TANC2: variants seen among roughly 807,000 people sequenced by gnomAD.
TANC2 encodes tetratricopeptide repeat, ankyrin repeat and coiled-coil containing 2.
Under a neutral mutation model 210.5 loss-of-function variants are expected in TANC2, and 26 were observed. That is an observed-to-expected ratio of 0.12 (90% CI 0.09 to 0.17). The LOEUF is 0.17. Among genes scored for constraint, TANC2 ranks in the 10% least tolerant of loss-of-function variants. The probability of loss-of-function intolerance (pLI) is 1.00; values close to 1 mark genes in which losing one functional copy is unlikely to be tolerated. For synonymous variants in TANC2, 931 were observed against 967.1 expected (o/e 0.96, Z 0.69); for missense variants, 2,129 against 2,608.9 (o/e 0.82, Z 4.01).
chr17:63,174,203 G>T (rs2040500509), intron 5 of TANC2, among the ~76,000 whole-genome samples: 1 of 152,204 alleles, frequency 6.6e-6, no homozygotes, highest in Admixed American at 6.5e-5. Context: ...TGGCAGTAAA[G>T]CTATGCAGGG....
At chr17:63,404,724 A>C (rs1021899708) in intron 19 of TANC2, among the ~76,000 whole-genome samples, 3 of 151,790 alleles carry the variant, frequency 2.0e-5, no homozygotes, top group African/African-American at 7.3e-5. Flanking sequence ...AACAAAACAA[A>C]AAAAAAAACT....
intron 2 of TANC2, among the ~76,000 whole-genome samples, chr17:63,013,606 G>T (rs1429200688): frequency 1.3e-5 from 2 of 151,852 alleles, no homozygotes; most frequent in African/African-American, 4.8e-5. Context: ...TATTAAAAAT[G>T]CATAAATTAG....
At chr17:63,274,915 GATC>G (rs1351408547) in intron 9 of TANC2, among the ~76,000 whole-genome samples, 4 of 152,118 alleles carry the variant, frequency 2.6e-5, no homozygotes, top group Non-Finnish European at 4.4e-5. Context: ...CACTCTTTCT[GATC>G]ATCTTAATGA....
At chr17:63,416,856 C>T (rs551790400) in intron 26 of TANC2, among the ~76,000 whole-genome samples, 15 of 152,274 alleles carry the variant, frequency 9.9e-5, no homozygotes, top group Non-Finnish European at 1.9e-4. Context: ...GTGGCGGTCT[C>T]GGGAGACAGA....
At chr17:63,347,511 AATT>A (rs1598909214) in intron 12 of TANC2, among the ~76,000 whole-genome samples, 1 of 152,216 alleles carries the variant, frequency 6.6e-6, no homozygotes, top group African/African-American at 2.4e-5. Flanking sequence ...TTTAATATAG[AATT>A]ATTTTTTAAA....
At chr17:63,195,470 T>C (rs1042667371) in intron 6 of TANC2, among the ~76,000 whole-genome samples, 2 of 152,318 alleles carry the variant, frequency 1.3e-5, no homozygotes, top group East Asian at 3.9e-4. Context: ...GTACTCAATC[T>C]GATCCCTTCT....
At chr17:63,302,039 A>C (rs1417879791) in intron 9 of TANC2, among the ~76,000 whole-genome samples, 1 of 152,230 alleles carries the variant, frequency 6.6e-6, no homozygotes, top group Non-Finnish European at 1.5e-5. Context: ...TTATTTACCC[A>C]GGAGTCATTC....
chr17:63,163,617 C>T (rs2040104386), intron 5 of TANC2, among the ~76,000 whole-genome samples: 1 of 152,086 alleles, frequency 6.6e-6, no homozygotes, highest in Non-Finnish European at 1.5e-5. Flanking sequence ...TATTTTCCTT[C>T]TTTGAAAGGA....
chr17:63,215,668 C>G (rs958731011), intron 7 of TANC2, among the ~76,000 whole-genome samples: 1 of 152,126 alleles, frequency 6.6e-6, no homozygotes, highest in Non-Finnish European at 1.5e-5. Flanking sequence ...CTGGAAAAGG[C>G]ATGCCAGGAA....
chr17:63,319,440 G>A (rs1266267084), intron 11 of TANC2, among the ~76,000 whole-genome samples: 2 of 152,158 alleles, frequency 1.3e-5, no homozygotes, highest in Non-Finnish European at 2.9e-5. Context: ...CACTTCCCAG[G>A]TTCAAGTGAT....
chr17:63,399,041 G>A, intron 19 of TANC2, 127 bp downstream of exon 19: 1 of 583,162 alleles, frequency 1.7e-6, no homozygotes, highest in East Asian at 3.1e-5. Flanking sequence ...AATGCAGACT[G>A]ATTCAGCCAA....
chr17:63,128,226 TAACTA>T (rs1206156964), intron 4 of TANC2, among the ~76,000 whole-genome samples: 3 of 152,236 alleles, frequency 2.0e-5, no homozygotes, highest in African/African-American at 7.2e-5. Context: ...CATTTTAAAA[TAACTA>T]AAAGAACATA....
chr17:63,144,743 T>C lies in TANC2; in HGVS notation c.323-6527T>C, dbSNP rs1479613336. ...GATACTTTGCAGCTGTGTATTAATT[T>C]ATAATTGGTTTCAGAGAAGTATAGT... On this transcript the variant is annotated intron_variant, in intron 4 of 27. Coordinates refer to ENST00000689528, the Ensembl canonical transcript of TANC2. Among the ~76,000 whole-genome samples the C allele has an allele frequency of 2.6e-5, 4 of 152,278 alleles. No individual in the cohort carries two copies. In the East Asian group the frequency reaches 7.7e-4, roughly 29 times the overall value.
At chr17:63,356,100 G>A (rs926415169) in intron 14 of TANC2, among the ~76,000 whole-genome samples, 1 of 151,668 alleles carries the variant, frequency 6.6e-6, no homozygotes, top group African/African-American at 2.4e-5. Flanking sequence ...CACCCCACAC[G>A]CACAACAGGA....
chr17:62,996,466 A>G (rs1460074301), intron 1 of TANC2, among the ~76,000 whole-genome samples: 1 of 151,494 alleles, frequency 6.6e-6, no homozygotes, highest in Non-Finnish European at 1.5e-5. Flanking sequence ...CTCACAGTCG[A>G]TTTCTGTCCG....
rs187107769 is a variant in TANC2 at position 63,416,174 on chromosome 17, G to T, written c.4167+500G>T. Among the ~76,000 whole-genome samples, 871 of 152,240 alleles carry T rather than the reference G, an allele frequency of 5.7e-3. 2 individuals are homozygous for T. Among genetic ancestry groups the T allele is most frequent in the Non-Finnish European group, 7.8e-3 (530 of 68,016 alleles). On this transcript the variant is annotated intron_variant, in intron 26 of 27. Transcript: ENST00000689528. ...TCATCTTTGTATCCCAGCATGCTAT[G>T]TCCCTTCTTGTCCTAGGGGGAATCT...
chr17:63,369,137 A>G (rs1383748074), intron 14 of TANC2, among the ~76,000 whole-genome samples: 2 of 152,148 alleles, frequency 1.3e-5, no homozygotes, highest in South Asian at 2.1e-4. Flanking sequence ...GTCCTAAACA[A>G]TGATTATCTG....
intron 7 of TANC2, among the ~76,000 whole-genome samples, chr17:63,225,985 TG>T (rs1305058548): frequency 2.6e-5 from 4 of 152,258 alleles, no homozygotes; most frequent in Non-Finnish European, 5.9e-5. Context: ...GATATTTTCA[TG>T]TTACTTGTAG....
intron 2 of TANC2, among the ~76,000 whole-genome samples, chr17:63,069,777 C>T (rs1450850766): frequency 6.6e-6 from 1 of 152,158 alleles, no homozygotes; most frequent in East Asian, 1.9e-4. Flanking sequence ...ATGTCTGTCT[C>T]AGGCATCTTA....
Sources: gnomAD v4.1 joint callset for allele counts (sites outside exome capture counted in the v4.1 genomes callset) on GRCh38, gnomAD v4.1.1 for gene constraint, MANE v1.5 for transcripts, NCBI Gene and HGNC (gene_info 2026-07-23, HGNC 2026-07-21) for gene names.